CACNA1E: variants seen among roughly 807,000 people sequenced by gnomAD.
CACNA1E encodes the protein calcium voltage-gated channel subunit alpha1 E.
In CACNA1E, 40 loss-of-function variants were observed where a neutral mutation model predicts 259.2. The ratio of observed to expected loss-of-function variants is 0.15; its 90% CI spans 0.12 to 0.20. The LOEUF (loss-of-function observed/expected upper bound fraction) is 0.20, where lower values mean the gene tolerates loss of function less well. Ranked by LOEUF, CACNA1E falls within the 10% of genes least tolerant of loss-of-function variation. CACNA1E has a pLI of 1.00. For synonymous variants in CACNA1E, 1,104 were observed against 1,138.5 expected (o/e 0.97, Z 0.61); for missense variants, 1,874 against 3,040.1 (o/e 0.62, Z 9.02).
At chr1:181,375,080 G>A (rs1655001269) in intron 1 of CACNA1E, among the ~76,000 whole-genome samples, 2 of 152,158 alleles carry the variant, frequency 1.3e-5, no homozygotes, top group Admixed American at 1.3e-4. Context: ...TATGAAGTGG[G>A]CTTCAGTTTT....
intron 7 of CACNA1E, among the ~76,000 whole-genome samples, chr1:181,692,496 C>T (rs1428963388): frequency 2.6e-5 from 4 of 152,142 alleles, no homozygotes; most frequent in Non-Finnish European, 4.4e-5. Flanking sequence ...AGGCATAAGG[C>T]TGCAAACCTA....
At chr1:181,624,244 C>T (rs529224209) in intron 6 of CACNA1E, among the ~76,000 whole-genome samples, 1 of 152,258 alleles carries the variant, frequency 6.6e-6, no homozygotes, top group East Asian at 1.9e-4. Flanking sequence ...CCATTAGGCC[C>T]CACCTTCAAC....
chr1:181,427,047 C>G (rs2102229478), intron 2 of CACNA1E, among the ~76,000 whole-genome samples: 1 of 151,690 alleles, frequency 6.6e-6, no homozygotes, highest in African/African-American at 2.4e-5. Context: ...CATCTCAACC[C>G]CTTCACAACT....
intron 16 of CACNA1E, among the ~76,000 whole-genome samples, chr1:181,724,072 A>G (rs1654663107): frequency 6.6e-6 from 1 of 152,200 alleles, no homozygotes; most frequent in Non-Finnish European, 1.5e-5. Context: ...ACCAGCCCCC[A>G]TCCAGAAGCT....
intron 43 of CACNA1E, among the ~76,000 whole-genome samples, chr1:181,789,391 G>A (rs1050408471): frequency 6.6e-6 from 1 of 152,128 alleles, no homozygotes; most frequent in Non-Finnish European, 1.5e-5. Context: ...ACATTCCTAT[G>A]GATTGTTTTT....
Position 181,805,846 on chromosome 1 carries a change from A to G in CACNA1E, c.*7012A>G, listed in dbSNP as rs1485561226. ...TGTTTGGCATTTCATGGCTGGGACA[A>G]TGGAGTAGAGGGTAGGAAGACAAGC... is the stretch of plus-strand genomic sequence containing the variant. On this transcript the variant is annotated 3_prime_UTR_variant, in exon 48 of 48. Coordinates refer to ENST00000367573, the MANE Select transcript of CACNA1E (RefSeq NM_001205293.3). The G allele has an allele frequency of 6.6e-6, 1 of 152,260 alleles. No homozygotes were observed. Among genetic ancestry groups the G allele is most frequent in the Non-Finnish European group, 1.5e-5 (1 of 68,070 alleles). 9.4% of individuals were successfully genotyped at this position (152,260 alleles called of 1,614,324 possible). A position where few individuals can be genotyped will look rare whatever the true frequency, so the allele number is the denominator to read the frequency against.
intron 6 of CACNA1E, among the ~76,000 whole-genome samples, chr1:181,613,800 C>T (rs1166677349): frequency 1.3e-5 from 2 of 152,158 alleles, no homozygotes; most frequent in African/African-American, 2.4e-5. Flanking sequence ...CAAAATAGGG[C>T]ACTTTGTCTG....
At chr1:181,453,022 T>C (rs1371892688) in intron 2 of CACNA1E, among the ~76,000 whole-genome samples, 1 of 152,250 alleles carries the variant, frequency 6.6e-6, no homozygotes, top group African/African-American at 2.4e-5. Flanking sequence ...CTTCAAATCT[T>C]GATGGACTTG....
chr1:181,765,143 C>T (rs1306301326), intron 34 of CACNA1E, among the ~76,000 whole-genome samples: 1 of 152,024 alleles, frequency 6.6e-6, no homozygotes, highest in East Asian at 1.9e-4. Context: ...ATCGCCATTG[C>T]CTATACCTCC....
At chr1:181,683,864 GT>G (rs1377359421) in intron 7 of CACNA1E, among the ~76,000 whole-genome samples, 10 of 152,146 alleles carry the variant, frequency 6.6e-5, no homozygotes, top group African/African-American at 2.4e-4. Flanking sequence ...TTGATTTCAT[GT>G]CTTTCCTGTT....
At chr1:181,407,421 C>T (rs967987753) in intron 1 of CACNA1E, among the ~76,000 whole-genome samples, 12 of 152,172 alleles carry the variant, frequency 7.9e-5, no homozygotes, top group Non-Finnish European at 1.6e-4. Context: ...ACCTCTCAGG[C>T]TGACACACTG....
chr1:181,781,268 T>A (rs1395112008), intron 38 of CACNA1E, among the ~76,000 whole-genome samples, 159 bp from the exon 39 acceptor site: 1 of 152,164 alleles, frequency 6.6e-6, no homozygotes. Flanking sequence ...TTTGTTTTTC[T>A]TCTCCTGTTT....
intron 2 of CACNA1E, among the ~76,000 whole-genome samples, chr1:181,474,768 CT>C (rs529562848): frequency 4.5e-4 from 68 of 152,128 alleles, no homozygotes; most frequent in Non-Finnish European, 7.2e-4. Flanking sequence ...GAGCTGTTTC[CT>C]TTTAATAACT....
chr1:181,490,087 G>A (rs1664180828), intron 1 of CACNA1E, among the ~76,000 whole-genome samples: 1 of 152,148 alleles, frequency 6.6e-6, no homozygotes, highest in South Asian at 2.1e-4. Context: ...GATGTTTATG[G>A]TGTATCTTTG....
intron 1 of CACNA1E, among the ~76,000 whole-genome samples, chr1:181,393,757 CAAG>C (rs1656461031): frequency 1.3e-5 from 2 of 152,324 alleles, no homozygotes; most frequent in African/African-American, 4.8e-5. Flanking sequence ...CGTGCCTGGC[CAAG>C]AAGGACTGGT....
upstream of CACNA1E, among the ~76,000 whole-genome samples, chr1:181,478,533 A>G (rs1180147234): frequency 2.0e-5 from 3 of 152,234 alleles, no homozygotes; most frequent in African/African-American, 7.2e-5. Context: ...TGTTCCTTAG[A>G]GCACTGCTTT....
At chr1:181,672,083 A>G (rs987692124) in intron 7 of CACNA1E, among the ~76,000 whole-genome samples, 2 of 152,250 alleles carry the variant, frequency 1.3e-5, no homozygotes, top group Admixed American at 6.5e-5. Context: ...TGTCATTTAC[A>G]ATAACATGGA....
intron 6 of CACNA1E, among the ~76,000 whole-genome samples, chr1:181,627,731 G>A (rs1177757590): frequency 2.0e-5 from 3 of 152,184 alleles, no homozygotes; most frequent in African/African-American, 7.2e-5. Context: ...GGTTTAAATT[G>A]TGTCACTAAC....
intron 6 of CACNA1E, 80 bp from the exon 7 acceptor site, chr1:181,651,258 C>T: frequency 1.1e-6 from 1 of 909,116 alleles, no homozygotes; most frequent in African/African-American, 1.6e-5. Context: ...TTACATCACC[C>T]TCTGTGCAGC....
Sources: allele counts gnomAD v4.1 joint callset (sites outside exome capture counted in the v4.1 genomes callset), GRCh38; gene constraint gnomAD v4.1.1; transcripts MANE v1.5; gene names NCBI Gene and HGNC (gene_info 2026-07-23, HGNC 2026-07-21).